The following ERC1 variants were observed in gnomAD, a reference collection of about 807,000 sequenced individuals.
The protein encoded by ERC1 is ELKS/RAB6-interacting/CAST family member 1.
Under a neutral mutation model 132.0 loss-of-function variants are expected in ERC1, and 56 were observed. The ratio of observed to expected loss-of-function variants is 0.42; its 90% CI spans 0.34 to 0.53. ERC1 has a LOEUF of 0.53. Among genes scored for constraint, ERC1 ranks in the 20% least tolerant of loss-of-function variants. ERC1 has a pLI of 0.03. For missense variants in ERC1, 1,202 were observed against 1,349.9 expected, an observed-to-expected ratio of 0.89 and a Z score of 1.72; for synonymous variants, 478 against 476.1, an observed-to-expected ratio of 1.00 and a Z score of -0.05.
intron 1 of ERC1, among the ~76,000 whole-genome samples, chr12:1,000,677 C>T (rs1962063466): frequency 2.0e-5 from 3 of 152,046 alleles, no homozygotes; most frequent in Non-Finnish European, 4.4e-5. Context: ...GTGAGAGAAT[C>T]GCTTGAACCT....
intron 7 of ERC1, among the ~76,000 whole-genome samples, chr12:1,130,933 G>T (rs1347233228): frequency 6.6e-6 from 1 of 151,998 alleles, no homozygotes; most frequent in Non-Finnish European, 1.5e-5. Flanking sequence ...TTTGGGCCTT[G>T]ATTTTTCTCA....
intron 1 of ERC1, among the ~76,000 whole-genome samples, chr12:1,008,316 A>C (rs2154136998): frequency 6.6e-6 from 1 of 152,368 alleles, no homozygotes; most frequent in Middle Eastern, 3.4e-3. Context: ...GTAATTAAAA[A>C]ATTTTTAGTA....
At chr12:1,339,875 C>G (rs1317652618) in intron 15 of ERC1, among the ~76,000 whole-genome samples, 1 of 152,144 alleles carries the variant, frequency 6.6e-6, no homozygotes, top group African/African-American at 2.4e-5. Flanking sequence ...TCTGTGCTCA[C>G]CAAGGCTCCA....
intron 12 of ERC1, among the ~76,000 whole-genome samples, chr12:1,218,542 G>C (rs1223195102): frequency 6.6e-6 from 1 of 151,824 alleles, no homozygotes; most frequent in Non-Finnish European, 1.5e-5. Context: ...GTTTAATCAG[G>C]CTCCTATTTT....
intron 12 of ERC1, among the ~76,000 whole-genome samples, chr12:1,221,889 A>G (rs1341073221): frequency 6.6e-6 from 1 of 152,180 alleles, no homozygotes; most frequent in African/African-American, 2.4e-5. Context: ...GAGTCATTGA[A>G]TAATTGGGAT....
At chr12:1,488,607 C>G (rs1298909720) in intron 18 of ERC1, among the ~76,000 whole-genome samples, 1 of 152,178 alleles carries the variant, frequency 6.6e-6, no homozygotes. Flanking sequence ...TCAGACAAGT[C>G]AAGGTCAGAT....
At chr12:1,352,390 T>C (rs2085081735) in intron 15 of ERC1, among the ~76,000 whole-genome samples, 1 of 152,176 alleles carries the variant, frequency 6.6e-6, no homozygotes, top group South Asian at 2.1e-4. Context: ...CAGCATGTAT[T>C]GGGGGAATAT....
intron 2 of ERC1, among the ~76,000 whole-genome samples, chr12:1,061,977 T>C (rs1019697592): frequency 2.7e-5 from 4 of 149,862 alleles, no homozygotes; most frequent in African/African-American, 9.9e-5. Flanking sequence ...TGTTTTTTTT[T>C]CTTCTTTTCT....
At chr12:1,209,515 G>A (rs1407855519) in intron 12 of ERC1, among the ~76,000 whole-genome samples, 2 of 150,936 alleles carry the variant, frequency 1.3e-5, no homozygotes, top group Non-Finnish European at 2.9e-5. Flanking sequence ...CATTTGTGTT[G>A]TCCTATTTAT....
At chr12:1,347,789 C>A (rs2084621498) in intron 15 of ERC1, among the ~76,000 whole-genome samples, 1 of 152,112 alleles carries the variant, frequency 6.6e-6, no homozygotes, top group African/African-American at 2.4e-5. Context: ...TTAAGACCAG[C>A]CTGGCCAACA....
intron 8 of ERC1, among the ~76,000 whole-genome samples, chr12:1,144,013 TTTCTA>T (rs1194029956): frequency 6.6e-6 from 1 of 152,184 alleles, no homozygotes; most frequent in Admixed American, 6.5e-5. Flanking sequence ...AGTGTTATCA[TTTCTA>T]AATAATAATT....
intron 8 of ERC1, among the ~76,000 whole-genome samples, chr12:1,180,280 TGTGCGCGCACGCGTGTGC>T (rs1286402307): frequency 1.4e-3 from 191 of 140,826 alleles, no homozygotes; most frequent in African/African-American, 5.6e-3. Context: ...TGTGTGTGTG[TGTGCGCGCACGCGTGTGC>T]GCGCGCGCAT....
chr12:1,243,789 G>A (rs1394332277), intron 13 of ERC1, among the ~76,000 whole-genome samples: 5 of 152,240 alleles, frequency 3.3e-5, no homozygotes, highest in African/African-American at 4.8e-5. Flanking sequence ...AGAATTTCTC[G>A]GCCCACACTG....
At chr12:1,162,265 T>G (rs1031344015) in intron 8 of ERC1, among the ~76,000 whole-genome samples, 1 of 152,264 alleles carries the variant, frequency 6.6e-6, no homozygotes, top group Non-Finnish European at 1.5e-5. Context: ...AAATTTCTTA[T>G]CTTTATAATA....
intron 8 of ERC1, among the ~76,000 whole-genome samples, chr12:1,163,924 C>T (rs868380801): frequency 8.5e-5 from 13 of 152,254 alleles, no homozygotes; most frequent in Admixed American, 2.6e-4. Flanking sequence ...CCATGTTGGC[C>T]AGGCTAGTCT....
At chr12:1,194,200 C>G (rs1956003035) in intron 12 of ERC1, among the ~76,000 whole-genome samples, 1 of 152,178 alleles carries the variant, frequency 6.6e-6, no homozygotes, top group African/African-American at 2.4e-5. Context: ...GCAGGCGGAT[C>G]ACCTGAGGTC....
chr12:1,138,285 TATATA>T (rs1256478872), intron 7 of ERC1, among the ~76,000 whole-genome samples: 1 of 137,084 alleles, frequency 7.3e-6, no homozygotes, highest in African/African-American at 2.7e-5. Context: ...CAATATATGA[TATATA>T]TTATATAATA....
At chr12:1,438,981 A>G (rs2093028616) in intron 17 of ERC1, among the ~76,000 whole-genome samples, 1 of 151,370 alleles carries the variant, frequency 6.6e-6, no homozygotes. Context: ...AAAAAATGAC[A>G]TCTTTCAACG....
At position 1,328,985 on chromosome 12, in the gene ERC1, T is replaced by TG. The variant is rs2082668964; in HGVS notation, c.2780+38973_2780+38974insG. ...AAATAAATGTCTATTTAAAAGTTACTAAAAAAAAAAAAAAAAAAGCCTTAG... is the reference window on the plus strand; with the variant it reads ...AAATAAATGTCTATTTAAAAGTTACTGAAAAAAAAAAAAAAAAAAGCCTTAG... On this transcript the variant is annotated intron_variant, in intron 15 of 18. Transcript: ENST00000360905. Among the ~76,000 whole-genome samples the TG allele has an allele frequency of 3.5e-5, 3 of 86,766 alleles. 1 individual carries two copies. In the East Asian group the frequency reaches 1.0e-3, roughly 30 times the overall value. The allele number at this position is 86,766 out of a possible 152,430, so 56.9% of individuals were successfully genotyped here.
Sources: gnomAD v4.1 joint callset for allele counts (sites outside exome capture counted in the v4.1 genomes callset) on GRCh38, gnomAD v4.1.1 for gene constraint, MANE v1.5 for transcripts, NCBI Gene and HGNC (gene_info 2026-07-23, HGNC 2026-07-21) for gene names.